Variants in DNAH14 observed in about 807,000 individuals in gnomAD.
DNAH14 encodes dynein axonemal heavy chain 14.
Under a neutral mutation model 520.9 loss-of-function variants are expected in DNAH14, and 478 were observed. That is an observed-to-expected ratio of 0.92 (90% CI 0.85 to 0.99). The LOEUF is 0.99. Ranked by LOEUF, DNAH14 falls within the 50% of genes least tolerant of loss-of-function variation. DNAH14 has a pLI of 0.00. For missense variants in DNAH14, 4,831 were observed against 5,234.5 expected, an observed-to-expected ratio of 0.92 and a Z score of 2.38; for synonymous variants, 1,581 against 1,757.2, an observed-to-expected ratio of 0.90 and a Z score of 2.51.
intron 17 of DNAH14, among the ~76,000 whole-genome samples, chr1:225,068,606 A>G (rs1479844762): frequency 1.3e-5 from 2 of 152,048 alleles, no homozygotes. Context: ...ATTTGTTTGT[A>G]TCCTCTCTGA....
At chr1:225,022,278 G>A (rs1315387454) in intron 10 of DNAH14, among the ~76,000 whole-genome samples, 1 of 152,146 alleles carries the variant, frequency 6.6e-6, no homozygotes, top group Admixed American at 6.5e-5. Context: ...AAGGGCTTCT[G>A]CATGGCAAGC....
chr1:225,273,900 C>T (rs1213150916), intron 52 of DNAH14, among the ~76,000 whole-genome samples: 5 of 152,266 alleles, frequency 3.3e-5, no homozygotes, highest in African/African-American at 9.6e-5. Context: ...GAGAACATTT[C>T]CTTCCCAAAG....
chr1:225,049,773 C>CCTATCTATCTATCTATCTAT (rs3047105), intron 15 of DNAH14, among the ~76,000 whole-genome samples: 19 of 142,918 alleles, frequency 1.3e-4, no homozygotes, highest in East Asian at 4.0e-4. Flanking sequence ...TATCTATCTA[C>CCTATCTATCTATCTATCTAT]CTATCTATCT....
intron 41 of DNAH14, among the ~76,000 whole-genome samples, chr1:225,210,498 G>A (rs1248620743): frequency 1.3e-5 from 2 of 151,544 alleles, no homozygotes; most frequent in African/African-American, 4.9e-5. Flanking sequence ...TGAAAGAAAG[G>A]CAGCAGCCCA....
intron 48 of DNAH14, among the ~76,000 whole-genome samples, chr1:225,266,147 T>C (rs1336945914): frequency 1.3e-5 from 2 of 152,164 alleles, no homozygotes; most frequent in Non-Finnish European, 2.9e-5. Flanking sequence ...TTTCTGCTTG[T>C]TGTTCATAAC....
intron 27 of DNAH14, among the ~76,000 whole-genome samples, chr1:225,138,482 CCCTT>C: frequency 6.6e-6 from 1 of 152,144 alleles, no homozygotes; most frequent in East Asian, 1.9e-4. Flanking sequence ...ATAGTCAGCC[CCCTT>C]CCTATGGATA....
Position 225,258,125 on chromosome 1 carries a change from C to G in DNAH14, c.7024+7C>G, listed in dbSNP as rs1218788727. 1.4e-6 allele frequency: 2 copies of G among 1,480,196 alleles called. No homozygotes were observed. The highest frequency in any genetic ancestry group is 1.4e-5 in the South Asian group (1 of 72,820). The allele number at this position is 1,480,196 out of a possible 1,614,324, so 91.7% of individuals were successfully genotyped here. ...TGCCCTGTACTTCTCACAGGTATTACAAATATTTAATAGAAGGAGAATTTC... is the reference window on the plus strand; with the variant it reads ...TGCCCTGTACTTCTCACAGGTATTAGAAATATTTAATAGAAGGAGAATTTC... On this transcript the variant is annotated splice_region_variant and intron_variant, in intron 45 of 85. Transcript: ENST00000682510.
intron 10 of DNAH14, among the ~76,000 whole-genome samples, chr1:225,012,238 G>A (rs188887838): frequency 6.6e-6 from 1 of 152,080 alleles, no homozygotes; most frequent in African/African-American, 2.4e-5. Flanking sequence ...ATGAAATTCT[G>A]GGTTGAAAAT....
chr1:224,959,488 GC>G, intron 3 of DNAH14, among the ~76,000 whole-genome samples: 1 of 152,042 alleles, frequency 6.6e-6, no homozygotes, highest in Non-Finnish European at 1.5e-5. Flanking sequence ...CTAAATTGTA[GC>G]ACAATGCCTT....
intron 27 of DNAH14, among the ~76,000 whole-genome samples, chr1:225,130,043 A>T (rs1418387176): frequency 6.6e-6 from 1 of 152,246 alleles, no homozygotes; most frequent in Admixed American, 6.5e-5. Context: ...GAAGACATTT[A>T]TGCAGCCAAA....
At chr1:225,189,399 A>C (rs1036982972) in intron 37 of DNAH14, among the ~76,000 whole-genome samples, 1 of 141,956 alleles carries the variant, frequency 7.0e-6, no homozygotes, top group African/African-American at 2.7e-5. Flanking sequence ...AGTGTTTCCT[A>C]GTTTTCTTTC....
At position 224,952,752 on chromosome 1, in the gene DNAH14, A is replaced by G. The variant is rs781743868; in HGVS notation, c.50A>G (p.Asp17Gly). The stretch of plus-strand genomic sequence containing the variant: ...TTGACAACTGAAAATCAAGAGATGG[A>G]CAAGGAGGAAACCAAGACAAAACCA... ...IDLTTENQEM[D>G]KEETKTKPRL... Residue 17 changes from aspartate to glycine, a missense_variant, in exon 2 of 86, where the codon GAC becomes GGC. Transcript: ENST00000682510. 8 of 1,601,642 alleles carry G rather than the reference A, an allele frequency of 5.0e-6. No homozygotes were observed. In the African/African-American group the frequency reaches 5.4e-5, roughly 11 times the overall value.
rs1442969397 is a variant in DNAH14, at chr1:225,220,742, G to A, written c.6440-10331G>A. Among the ~76,000 whole-genome samples, 10 of 152,246 alleles carry A rather than the reference G, an allele frequency of 6.6e-5. No homozygotes were observed. The East Asian group carries it at 1.7e-3, about 26-fold the overall frequency. On this transcript the variant is annotated intron_variant, in intron 41 of 85. Transcript: ENST00000682510. The stretch of plus-strand genomic sequence containing the variant: ...GCCATACTGCCCAAAATAATTTATA[G>A]ATTCAATGCTATTCCCATCAAGCTA...
rs187119630 is a variant in DNAH14 at position 225,343,212 on chromosome 1, G to A, written c.10678+2511G>A. Among the ~76,000 whole-genome samples, 11 of 152,318 alleles carry A rather than the reference G, an allele frequency of 7.2e-5. No individual in the cohort carries two copies. The East Asian group carries it at 2.1e-3, about 29-fold the overall frequency. Reference sequence around the variant, plus strand: ...GCCAAAACAAGAATAACTGTGATGGGGAGTTCCAGTATTGCCTCTTTAAGG... The same window carrying A: ...GCCAAAACAAGAATAACTGTGATGGAGAGTTCCAGTATTGCCTCTTTAAGG... On this transcript the variant is annotated intron_variant, in intron 69 of 85. Transcript: ENST00000682510.
rs940757654 is a variant in DNAH14 at position 225,106,997 on chromosome 1, T to C, written c.3867+6113T>C. Among the ~76,000 whole-genome samples the C allele has an allele frequency of 2.6e-5, 4 of 152,174 alleles. No homozygotes were observed. In the South Asian group the frequency reaches 6.2e-4, roughly 24 times the overall value. ...TTTTTTCTACTCTGTTTTTTCCCTA[T>C]CTTTGTGGTTTTATCTACCTTTGGT... On this transcript the variant is annotated intron_variant, in intron 23 of 85. Coordinates refer to ENST00000682510, the MANE Select transcript of DNAH14 (RefSeq NM_001367479.1).
chr1:225,337,841 C>T (rs1350297514), intron 67 of DNAH14, among the ~76,000 whole-genome samples: 2 of 152,100 alleles, frequency 1.3e-5, no homozygotes, highest in East Asian at 1.9e-4. Flanking sequence ...TCCATCCCCT[C>T]GAGCATTATC....
chr1:224,980,459 GC>G (rs945577536), intron 8 of DNAH14, among the ~76,000 whole-genome samples: 3 of 152,158 alleles, frequency 2.0e-5, no homozygotes, highest in Non-Finnish European at 4.4e-5. Flanking sequence ...CAGCTCAGTT[GC>G]GGTAGTATAG....
chr1:225,079,438 T>C lies in DNAH14; in HGVS notation c.2656T>C (p.Ser886Pro). The change falls in exon 18 of 86, where the codon TCT becomes CCT. Residue 886 changes from serine to proline, a missense_variant. Ser to Pro is a moderately conservative substitution (Grantham distance 74, BLOSUM62 -1). Transcript: ENST00000682510. The part of the protein sequence containing the change: ...LLLKFSQLKS[S>P]MKLSKINKDT... ...TCTTAAGTTTAGTCAACTAAAATCA[T>C]CTATGAAGTTAAGTAAAATAAATAA... is the stretch of plus-strand genomic sequence containing the variant. 1.3e-6 allele frequency: 2 copies of C among 1,548,022 alleles called. No individual in the cohort carries two copies. Among genetic ancestry groups the C allele is most frequent in the Non-Finnish European group, 1.7e-6 (2 of 1,146,146 alleles).
At chr1:225,227,064 C>A (rs910610811) in intron 41 of DNAH14, among the ~76,000 whole-genome samples, 2 of 152,030 alleles carry the variant, frequency 1.3e-5, no homozygotes, top group Non-Finnish European at 2.9e-5. Flanking sequence ...GGTTTTACAC[C>A]GAGACATTTC....
Sources: gnomAD v4.1 joint callset for allele counts (sites outside exome capture counted in the v4.1 genomes callset) on GRCh38, gnomAD v4.1.1 for gene constraint, MANE v1.5 for transcripts, NCBI Gene and HGNC (gene_info 2026-07-23, HGNC 2026-07-21) for gene names.